The following SYN3 variants were observed in gnomAD, a reference collection of about 807,000 sequenced individuals.
SYN3 encodes synapsin III.
SYN3 carries 35 observed loss-of-function variants against 65.8 expected under a neutral mutation model. The ratio of observed to expected loss-of-function variants is 0.53; its 90% confidence interval spans 0.41 to 0.70. The LOEUF (loss-of-function observed/expected upper bound fraction) is 0.70, where lower values mean the gene tolerates loss of function less well. Among genes scored for constraint, SYN3 ranks in the 30% least tolerant of loss-of-function variants. SYN3 has a pLI of 0.00. For missense variants in SYN3, 680 were observed against 749.0 expected (o/e 0.91, Z 1.08); for synonymous variants, 270 against 292.9 (o/e 0.92, Z 0.80).
chr22:32,695,115 T>C (rs1184693607), intron 6 of SYN3, among the ~76,000 whole-genome samples: 1 of 152,244 alleles, frequency 6.6e-6, no homozygotes, highest in Non-Finnish European at 1.5e-5. Context: ...TTTTATAATA[T>C]CTTTGAATAT....
intron 7 of SYN3, among the ~76,000 whole-genome samples, chr22:32,591,258 C>T (rs1007905904): frequency 6.6e-6 from 1 of 151,854 alleles, no homozygotes; most frequent in African/African-American, 2.4e-5. Context: ...TTAAAAATTG[C>T]TAAAAACTGA....
At chr22:32,639,079 A>G (rs968174114) in intron 6 of SYN3, among the ~76,000 whole-genome samples, 1 of 151,934 alleles carries the variant, frequency 6.6e-6, no homozygotes, top group Non-Finnish European at 1.5e-5. Flanking sequence ...TCAGCCTCCC[A>G]AGTAGCTGGG....
chr22:32,780,752 C>G (rs1332182106), intron 6 of SYN3, among the ~76,000 whole-genome samples: 1 of 152,132 alleles, frequency 6.6e-6, no homozygotes, highest in Non-Finnish European at 1.5e-5. Context: ...GTTTCTTTAT[C>G]CTTAAAATGG....
chr22:32,817,696 T>C (rs565831948), intron 6 of SYN3, among the ~76,000 whole-genome samples: 6 of 152,336 alleles, frequency 3.9e-5, no homozygotes, highest in Non-Finnish European at 7.3e-5. Context: ...CTTGCTTGGC[T>C]CAGTTCTGGG....
intron 1 of SYN3, among the ~76,000 whole-genome samples, chr22:33,012,995 G>T (rs73410648): frequency 0.042 from 6,430 of 152,220 alleles, 461 homozygotes; most frequent in African/African-American, 0.15. Flanking sequence ...TCTGTGAGAG[G>T]TTTAGTTCAA....
chr22:32,550,898 A>G (rs13057046), intron 7 of SYN3, among the ~76,000 whole-genome samples: 4,715 of 152,264 alleles, frequency 0.031, 104 homozygotes, highest in Non-Finnish European at 0.047. Flanking sequence ...ACATAAATCA[A>G]CTCAAAAGGG....
At chr22:32,582,435 G>A (rs988596974) in intron 7 of SYN3, among the ~76,000 whole-genome samples, 1 of 150,518 alleles carries the variant, frequency 6.6e-6, no homozygotes, top group Non-Finnish European at 1.5e-5. Context: ...CTGCAGCCTC[G>A]ACTTCCCAGG....
intron 7 of SYN3, among the ~76,000 whole-genome samples, chr22:32,568,788 G>T (rs561963933): frequency 1.3e-4 from 20 of 152,334 alleles, no homozygotes; most frequent in African/African-American, 4.6e-4. Context: ...AGCTAGCTAG[G>T]TTGGTAACAA....
intron 7 of SYN3, among the ~76,000 whole-genome samples, chr22:32,565,149 G>GCTGCACCCAAACAGTGCTCCCGGA (rs2058654730): frequency 9.1e-6 from 1 of 109,894 alleles, no homozygotes; most frequent in African/African-American, 3.5e-5. Flanking sequence ...GTGCTCCTGG[G>GCTGCACCCAAACAGTGCTCCCGGA]CTGCACCCAA....
At chr22:32,819,745 C>G (rs906005882) in intron 6 of SYN3, among the ~76,000 whole-genome samples, 5 of 152,174 alleles carry the variant, frequency 3.3e-5, no homozygotes, top group Admixed American at 3.3e-4. Context: ...GTTCAAAAAA[C>G]AGAAGAGGAG....
intron 6 of SYN3, among the ~76,000 whole-genome samples, chr22:32,672,972 C>T (rs1001382236): frequency 1.3e-5 from 2 of 152,178 alleles, no homozygotes; most frequent in Non-Finnish European, 2.9e-5. Flanking sequence ...AGGGCTGGCA[C>T]CTGGTTAGGA....
At chr22:32,702,548 T>C (rs1461890735) in intron 6 of SYN3, among the ~76,000 whole-genome samples, 1 of 152,256 alleles carries the variant, frequency 6.6e-6, no homozygotes. Flanking sequence ...TATCAGTGAT[T>C]CTGAAACTAA....
At chr22:32,916,143 G>A (rs575226402) in intron 4 of SYN3, among the ~76,000 whole-genome samples, 3 of 152,300 alleles carry the variant, frequency 2.0e-5, no homozygotes, top group East Asian at 3.9e-4. Context: ...ACGTGAAGGA[G>A]CACCAAGGCA....
intron 4 of SYN3, among the ~76,000 whole-genome samples, chr22:32,893,345 T>G (rs1270449382): frequency 1.3e-5 from 2 of 152,164 alleles, no homozygotes; most frequent in Non-Finnish European, 2.9e-5. Context: ...GTCACGGAGC[T>G]CATGGAGCCC....
intron 1 of SYN3, among the ~76,000 whole-genome samples, chr22:33,055,376 G>A (rs999416960): frequency 9.9e-5 from 15 of 152,118 alleles, no homozygotes; most frequent in East Asian, 1.9e-4. Flanking sequence ...TCCACCTCGC[G>A]GTCTTTGAAT....
rs376320173 is a variant in SYN3 at position 32,658,940 on chromosome 22, C to T, written c.712-62204G>A. On this transcript the variant is annotated intron_variant, in intron 6 of 13. Transcript: ENST00000358763. ...AGCATACCACATGACAGGCGCTATTCGGACTTCACATACTGAACTCAAATC... is the reference window on the plus strand; with the variant it reads ...AGCATACCACATGACAGGCGCTATTTGGACTTCACATACTGAACTCAAATC... Among the ~76,000 whole-genome samples, 25 of 152,154 alleles carry T rather than the reference C, an allele frequency of 1.6e-4. 1 individual carries two copies. The highest frequency in any genetic ancestry group is 1.5e-3 in the Admixed American group (23 of 15,274).
At chr22:32,521,220 A>G (rs911203146) in intron 12 of SYN3, among the ~76,000 whole-genome samples, 3 of 152,314 alleles carry the variant, frequency 2.0e-5, no homozygotes, top group African/African-American at 7.2e-5. Context: ...GAAGAGGTGC[A>G]AGCATAAAGA....
chr22:32,708,598 C>A (rs913748229), intron 6 of SYN3, among the ~76,000 whole-genome samples: 9 of 152,146 alleles, frequency 5.9e-5, no homozygotes, highest in African/African-American at 2.2e-4. Context: ...CCTTTGGGGA[C>A]CCTACCCGGT....
Position 32,538,032 on chromosome 22 carries a change from T to C in SYN3, c.992+4A>G. ...CCTCTCCCTACACCTCCTTTGTCTC[T>C]TACCTCTCTGTCATGGCCACCTGCT... On this transcript the variant is annotated splice_donor_region_variant and intron_variant, in intron 9 of 13. Coordinates refer to ENST00000358763, the MANE Select transcript of SYN3 (RefSeq NM_003490.4). The C allele has an allele frequency of 6.2e-7, 1 of 1,613,888 alleles. No homozygotes were observed. Among genetic ancestry groups the C allele is most frequent in the South Asian group, 1.1e-5 (1 of 91,060 alleles).
Sources: allele counts gnomAD v4.1 joint callset (sites outside exome capture counted in the v4.1 genomes callset), GRCh38; gene constraint gnomAD v4.1.1; transcripts MANE v1.5; gene names NCBI Gene and HGNC (gene_info 2026-07-23, HGNC 2026-07-21).